VWA5A: variants seen among roughly 807,000 people sequenced by gnomAD.
VWA5A encodes von Willebrand factor A domain containing 5A, also known as von Willebrand factor A domain-containing protein 5A.
Under a neutral mutation model 84.6 loss-of-function variants are expected in VWA5A, and 77 were observed. That is an observed-to-expected ratio of 0.91 (90% CI 0.76 to 1.10). VWA5A has a LOEUF of 1.10. Ranked by LOEUF, VWA5A falls within the 50% of genes least tolerant of loss-of-function variation. The pLI, the probability that VWA5A is intolerant of heterozygous loss-of-function variation, is 0.00. For synonymous variants in VWA5A, 334 were observed against 350.1 expected, an observed-to-expected ratio of 0.95 and a Z score of 0.51; for missense variants, 973 against 963.0, an observed-to-expected ratio of 1.01 and a Z score of -0.14.
At chr11:124,122,919 G>A in intron 7 of VWA5A, 41 bp from the exon 8 acceptor site, 1 of 1,573,312 alleles carries the variant, frequency 6.4e-7, no homozygotes, top group Non-Finnish European at 8.6e-7. Flanking sequence ...GGATTCTTGA[G>A]TTCCTTTTTG....
intron 11 of VWA5A, among the ~76,000 whole-genome samples, chr11:124,132,727 A>T (rs1034399501): frequency 6.6e-6 from 1 of 152,072 alleles, no homozygotes; most frequent in Non-Finnish European, 1.5e-5. Flanking sequence ...ACTTTCTATC[A>T]TATAAGTGTT....
intron 11 of VWA5A, among the ~76,000 whole-genome samples, chr11:124,127,666 C>G (rs562988835): frequency 2.6e-5 from 4 of 152,320 alleles, no homozygotes; most frequent in African/African-American, 9.6e-5. Flanking sequence ...TCCACATCCT[C>G]TCCAGCATCT....
intron 11 of VWA5A, among the ~76,000 whole-genome samples, chr11:124,128,115 A>C (rs1374614130): frequency 1.3e-5 from 2 of 152,142 alleles, no homozygotes; most frequent in Non-Finnish European, 2.9e-5. Context: ...GGTATTGCCT[A>C]GGTTTTCTTC....
In VWA5A at chr11:124,137,243, C is replaced by G; in HGVS notation, c.1854C>G (p.Ala618=). The change falls in exon 15 of 19, where the codon GCC becomes GCG. Residue 618 remains alanine (A), a synonymous_variant. Transcript: ENST00000456829. ...VPRPILLGAS[A]PLKIKCQSGF... ...GGCCAATTCTGTTGGGTGCTTCTGC[C>G]CCATTGAAGATAAAATGCCAATCAG... The G allele has an allele frequency of 6.2e-7, 1 of 1,613,988 alleles. No individual in the cohort carries two copies. The highest frequency in any genetic ancestry group is 1.3e-5 in the African/African-American group (1 of 74,972).
intron 15 of VWA5A, among the ~76,000 whole-genome samples, chr11:124,140,595 G>A (rs948889635): frequency 1.0e-4 from 15 of 150,562 alleles, no homozygotes; most frequent in African/African-American, 3.4e-4. Flanking sequence ...TCCTGAGTAG[G>A]TAGGACTCTA....
intron 5 of VWA5A, 48 bp downstream of exon 5, chr11:124,118,459 G>T: frequency 5.0e-6 from 8 of 1,611,112 alleles, no homozygotes; most frequent in Non-Finnish European, 6.8e-6. Flanking sequence ...ACATAAATGG[G>T]GAAATTTTCT....
chr11:124,138,092 C>T (rs1184208406), intron 15 of VWA5A, among the ~76,000 whole-genome samples: 1 of 152,168 alleles, frequency 6.6e-6, no homozygotes, highest in Non-Finnish European at 1.5e-5. Flanking sequence ...GCTTATTTCA[C>T]TTGACATAAT....
At chr11:124,139,719 A>G (rs1283799489) in intron 15 of VWA5A, among the ~76,000 whole-genome samples, 1 of 150,922 alleles carries the variant, frequency 6.6e-6, no homozygotes, top group Admixed American at 6.6e-5. Context: ...AGGGTTTTCT[A>G]TGTTTAAGAT....
At chr11:124,140,508 G>A (rs1030175446) in intron 15 of VWA5A, among the ~76,000 whole-genome samples, 2 of 152,004 alleles carry the variant, frequency 1.3e-5, no homozygotes, top group Non-Finnish European at 2.9e-5. Context: ...CTGCTGCCCA[G>A]GTTGGAGTGC....
In VWA5A at chr11:124,117,478, T is replaced by G; in HGVS notation, c.-15-19T>G. On this transcript the variant is annotated intron_variant, in intron 2 of 18. Coordinates refer to ENST00000456829, the MANE Select transcript of VWA5A (RefSeq NM_001130142.2). The stretch of plus-strand genomic sequence containing the variant: ...TAACTTCCAACATGTCCTCTGTTTG[T>G]GATATGTCTTTTCTGCAGAAATCTT... 6.2e-7 allele frequency: 1 copy of G among 1,612,828 alleles called. No homozygotes were observed. The highest frequency in any genetic ancestry group is 8.5e-7 in the Non-Finnish European group (1 of 1,178,778).
chr11:124,133,896 A>T (rs1565619431), intron 11 of VWA5A, among the ~76,000 whole-genome samples: 1 of 152,168 alleles, frequency 6.6e-6, no homozygotes, highest in African/African-American at 2.4e-5. Flanking sequence ...GTTAGTCATC[A>T]ATATATTTTT....
At position 124,141,654 on chromosome 11, in the gene VWA5A, G is replaced by T; in HGVS notation, c.1936G>T (p.Glu646Ter). ...TCCTTCTGCATCTCAGCCCAGAGGG[G>T]AACTTATGTGTTATAAGGCCAAGAC... ...RPPSASQPRG[E>*]LMCYKAKTFQ... The change falls in exon 16 of 19, where the codon GAA becomes TAA. Residue 646 changes from glutamate to a stop codon, truncating the protein, a stop_gained. Coordinates refer to ENST00000456829, the MANE Select transcript of VWA5A (RefSeq NM_001130142.2). LOFTEE classifies it high-confidence loss of function. The T allele has an allele frequency of 6.2e-7, 1 of 1,614,098 alleles. No individual in the cohort carries two copies. The highest frequency in any genetic ancestry group is 1.1e-5 in the South Asian group (1 of 91,066).
intron 11 of VWA5A, among the ~76,000 whole-genome samples, chr11:124,125,485 G>A (rs1015181182): frequency 5.3e-5 from 8 of 152,136 alleles, no homozygotes; most frequent in Middle Eastern, 3.4e-3. Flanking sequence ...GGGTTTCACC[G>A]TGTTAGCCAG....
chr11:124,123,432 T>C lies in VWA5A; in HGVS notation c.997T>C (p.Ser333Pro). ...GCYFNIYGFGSSYEACFPESV... is the reference protein window; with the variant it reads ...GCYFNIYGFGPSYEACFPESV... ...TTATTTCAACATCTATGGATTTGGC[T>C]CTTCCTATGAGGCATGCTTTCCGTA... The change falls in exon 9 of 19, where the codon TCT becomes CCT. Residue 333 changes from serine to proline, a missense_variant. By Grantham distance (74) the Ser-to-Pro change is moderately conservative. Transcript: ENST00000456829. 1 of 1,614,070 alleles carries C rather than the reference T, an allele frequency of 6.2e-7. No homozygotes were observed. Among genetic ancestry groups the C allele is most frequent in the Non-Finnish European group, 8.5e-7 (1 of 1,180,024 alleles).
chr11:124,120,747 T>C (rs571092026), intron 7 of VWA5A, among the ~76,000 whole-genome samples: 1 of 152,322 alleles, frequency 6.6e-6, no homozygotes, highest in Non-Finnish European at 1.5e-5. Flanking sequence ...ATGGTGACTA[T>C]TTCCTTGGGT....
At chr11:124,142,712 A>G in intron 17 of VWA5A, 140 bp downstream of exon 17, 1 of 1,176,414 alleles carries the variant, frequency 8.5e-7, no homozygotes, top group Non-Finnish European at 1.2e-6. Flanking sequence ...ATAGAGGCTG[A>G]AGGTTTTTCC....
At chr11:124,132,109 G>A (rs917839622) in intron 11 of VWA5A, among the ~76,000 whole-genome samples, 5 of 151,930 alleles carry the variant, frequency 3.3e-5, no homozygotes, top group Non-Finnish European at 5.9e-5. Context: ...ATGAATGTGT[G>A]ATTTTATCCT....
chr11:124,135,071 C>G (rs1442779987), intron 12 of VWA5A, 37 bp downstream of exon 12: 2 of 1,562,068 alleles, frequency 1.3e-6, no homozygotes, highest in Admixed American at 1.8e-5. Flanking sequence ...CTGGAGGTGG[C>G]AATCCAGACC....
At position 124,139,920 on chromosome 11, in the gene VWA5A, A is replaced by G. The variant is rs532105079; in HGVS notation, c.1880-1678A>G. 9.1e-4 allele frequency among the ~76,000 whole-genome samples: 138 copies of G among 152,256 alleles called. 4 individuals carry two copies. In the South Asian group the frequency reaches 0.027, roughly 30 times the overall value. ...TTTCAACTTTTCCCTCTTCAATATG[A>G]TATTAGGTGTGAGTTTGCCATAATT... On this transcript the variant is annotated intron_variant, in intron 15 of 18. Transcript: ENST00000456829.
Sources: gnomAD v4.1 joint callset for allele counts (sites outside exome capture counted in the v4.1 genomes callset) on GRCh38, gnomAD v4.1.1 for gene constraint, MANE v1.5 for transcripts, NCBI Gene and HGNC (gene_info 2026-07-23, HGNC 2026-07-21) for gene names.